The following UTP18 variants were observed in gnomAD, a reference collection of about 807,000 sequenced individuals.
UTP18 encodes U3 small nucleolar RNA-associated protein 18 homolog.
UTP18 carries 36 observed loss-of-function variants against 61.1 expected under a neutral mutation model. The observed-to-expected ratio is 0.59, with a 90% CI of 0.45 to 0.78. UTP18 has a LOEUF of 0.78. Ranked by LOEUF, UTP18 falls within the 30% of genes least tolerant of loss-of-function variation. UTP18 has a pLI of 0.00. For synonymous variants in UTP18, 282 were observed against 251.1 expected (o/e 1.12, Z -1.16); for missense variants, 753 against 693.9 (o/e 1.09, Z -0.96).
intron 1 of UTP18, among the ~76,000 whole-genome samples, 191 bp downstream of exon 1, chr17:51,261,117 C>T (rs1052520626): frequency 2.6e-5 from 4 of 152,264 alleles, no homozygotes; most frequent in African/African-American, 9.6e-5. Context: ...CTGAAAGTGC[C>T]TGGAGGGCGG....
chr17:51,282,867 C>CTTTTTTTTT (rs534175274), intron 9 of UTP18, among the ~76,000 whole-genome samples: 8 of 120,714 alleles, frequency 6.6e-5, no homozygotes, highest in African/African-American at 2.3e-4. Context: ...TCTTCTTCTT[C>CTTTTTTTTT]TTTTTTTTTT....
At chr17:51,264,607 T>C (rs961632812) in intron 2 of UTP18, among the ~76,000 whole-genome samples, 4 of 149,540 alleles carry the variant, frequency 2.7e-5, no homozygotes, top group Non-Finnish European at 5.9e-5. Flanking sequence ...GTTTTTTTTT[T>C]CCAGACTCTG....
intron 2 of UTP18, among the ~76,000 whole-genome samples, chr17:51,263,688 G>C (rs2055531356): frequency 6.6e-6 from 1 of 152,180 alleles, no homozygotes; most frequent in Non-Finnish European, 1.5e-5. Flanking sequence ...ACCATGGGCA[G>C]TTTGGAACCT....
chr17:51,275,781 A>C, intron 5 of UTP18, 85 bp from the exon 6 acceptor site: 1 of 1,287,020 alleles, frequency 7.8e-7, no homozygotes, highest in South Asian at 2.4e-5. Context: ...CTTCATTATA[A>C]ACTGTAATGT....
At chr17:51,260,964 G>T in intron 1 of UTP18, 38 bp downstream of exon 1, 3 of 1,437,586 alleles carry the variant, frequency 2.1e-6, no homozygotes, top group Non-Finnish European at 2.7e-6. Context: ...GGCGCACTCG[G>T]GCGGGGCGCG....
chr17:51,285,796 C>T (rs1006182280), intron 10 of UTP18, among the ~76,000 whole-genome samples: 2 of 152,224 alleles, frequency 1.3e-5, no homozygotes, highest in Admixed American at 1.3e-4. Flanking sequence ...ACAGTACACA[C>T]AGGGTTCAGT....
intron 1 of UTP18, 65 bp from the exon 2 acceptor site, chr17:51,263,209 G>A: frequency 7.5e-7 from 1 of 1,331,878 alleles, no homozygotes; most frequent in South Asian, 1.2e-5. Context: ...TGGCTGTAAG[G>A]CCTATGTGTC....
At chr17:51,295,399 G>C (rs998242297) in intron 12 of UTP18, among the ~76,000 whole-genome samples, 1 of 152,160 alleles carries the variant, frequency 6.6e-6, no homozygotes, top group African/African-American at 2.4e-5. Context: ...AAGGGACCCA[G>C]TTTCAGCTTT....
intron 3 of UTP18, among the ~76,000 whole-genome samples, chr17:51,267,427 A>G (rs945938665): frequency 6.7e-6 from 1 of 148,840 alleles, no homozygotes; most frequent in Non-Finnish European, 1.5e-5. Context: ...TTGTGCCACC[A>G]CCTCTTCAAT....
chr17:51,272,881 G>GA (rs1202696331), intron 4 of UTP18, among the ~76,000 whole-genome samples: 1 of 152,130 alleles, frequency 6.6e-6, no homozygotes, highest in Non-Finnish European at 1.5e-5. Context: ...TCTCCAGGGG[G>GA]AAAAGCAGCC....
At chr17:51,268,150 C>T (rs573461269) in intron 3 of UTP18, among the ~76,000 whole-genome samples, 17 of 152,058 alleles carry the variant, frequency 1.1e-4, no homozygotes, top group African/African-American at 4.1e-4. Flanking sequence ...GCTGGGACTA[C>T]CAGTAGATGG....
rs1201973987 is a variant in UTP18, at chr17:51,276,053, T to G, written c.837+62T>G. ...TTATTTTTATTTAAGGACCAGACAT[T>G]TGCAACCCCAAATGCAAAAATACTG... On this transcript the variant is annotated intron_variant, in intron 6 of 13. Coordinates refer to ENST00000225298, the MANE Select transcript of UTP18 (RefSeq NM_016001.3). 4.6e-6 allele frequency: 7 copies of G among 1,509,288 alleles called. No homozygotes were observed. In the African/African-American group the frequency reaches 7.1e-5, roughly 15 times the overall value. 93.5% of individuals were successfully genotyped at this position (1,509,288 alleles called of 1,614,324 possible).
chr17:51,282,935 C>T lies in UTP18; in HGVS notation c.1205-2310C>T, dbSNP rs965454201. ...TTAGGCTGGAGTGCAGTGGCACGAT[C>T]TCGGCTCACTGTAACCTCTGCCTCC... On this transcript the variant is annotated intron_variant, in intron 9 of 13. Transcript: ENST00000225298. Among the ~76,000 whole-genome samples the T allele has an allele frequency of 1.1e-4, 16 of 142,302 alleles. No homozygotes were observed. The East Asian group carries it at 3.2e-3, about 29-fold the overall frequency. The allele number at this position is 142,302 out of a possible 152,430, so 93.4% of individuals were successfully genotyped here. A position where few individuals can be genotyped will look rare whatever the true frequency, so the allele number is the denominator to read the frequency against.
chr17:51,281,680 T>C (rs543039853), intron 9 of UTP18, among the ~76,000 whole-genome samples: 95 of 152,282 alleles, frequency 6.2e-4, no homozygotes, highest in Middle Eastern at 3.4e-3. Flanking sequence ...GTCACTATCC[T>C]GGTTGTAATG....
At position 51,280,472 on chromosome 17, in the gene UTP18, C is replaced by T. The variant is rs1490931994; in HGVS notation, c.1197C>T (p.Ala399=). 6.2e-7 allele frequency: 1 copy of T among 1,613,932 alleles called. No homozygotes were observed. Among genetic ancestry groups the T allele is most frequent in the Admixed American group, 1.7e-5 (1 of 59,994 alleles). The change falls in exon 9 of 14, where the codon GCC becomes GCT. Residue 399 remains alanine, a synonymous_variant. Coordinates refer to ENST00000225298, the MANE Select transcript of UTP18 (RefSeq NM_016001.3). ...TFSSDSKKVY[A]SSGDGEVYVW... ...CTTCAGATAGTAAGAAAGTATACGC[C>T]TCTTCGGGTAAGACAACGACATGAA...
In UTP18 at chr17:51,263,281, A is replaced by G; in HGVS notation, c.350A>G (p.Glu117Gly). 1 of 1,614,174 alleles carries G rather than the reference A, an allele frequency of 6.2e-7. No individual in the cohort carries two copies. Residue 117 changes from glutamate to glycine, a missense_variant, in exon 2 of 14, where the codon GAA becomes GGA. Transcript: ENST00000225298. The stretch of plus-strand genomic sequence containing the variant: ...GTGTTTTGTCTGCTGTAGGTTCAAG[A>G]ACATGAAGACTCGGGTGACTCAGAA... ...LRRLRGPRVQ[E>G]HEDSGDSEVE... is the part of the protein sequence containing the mutation.
At chr17:51,285,804 A>G (rs1371127291) in intron 10 of UTP18, among the ~76,000 whole-genome samples, 1 of 152,234 alleles carries the variant, frequency 6.6e-6, no homozygotes, top group East Asian at 1.9e-4. Context: ...CACAGGGTTC[A>G]GTAATCCACA....
intron 5 of UTP18, among the ~76,000 whole-genome samples, chr17:51,274,955 T>C (rs1411251545): frequency 2.6e-5 from 4 of 151,738 alleles, no homozygotes; most frequent in Non-Finnish European, 5.9e-5. Flanking sequence ...CCCAGCACTT[T>C]GGGAGGCCGA....
chr17:51,279,889 T>C (rs1207054903), intron 7 of UTP18, 116 bp from the exon 8 acceptor site: 2 of 826,718 alleles, frequency 2.4e-6, no homozygotes, highest in Admixed American at 5.6e-5. Flanking sequence ...GCCAGGGTTT[T>C]GTTTAATTTG....
Sources: allele counts gnomAD v4.1 joint callset (sites outside exome capture counted in the v4.1 genomes callset), GRCh38; gene constraint gnomAD v4.1.1; transcripts MANE v1.5; gene names NCBI Gene and HGNC (gene_info 2026-07-23, HGNC 2026-07-21).